Variants in CELF2 observed in about 807,000 individuals in gnomAD.
The protein encoded by CELF2 is CUGBP Elav-like family member 2, also known as CUG triplet repeat RNA-binding protein 2.
CELF2 carries 8 observed loss-of-function variants against 62.6 expected under a neutral mutation model. The ratio of observed to expected loss-of-function variants is 0.13; its 90% confidence interval spans 0.07 to 0.23. The LOEUF (loss-of-function observed/expected upper bound fraction) is 0.23. Ranked by LOEUF, CELF2 falls within the 10% of genes least tolerant of loss-of-function variation. The pLI is 1.00. For missense variants in CELF2, 333 were observed against 671.0 expected (o/e 0.50, Z 5.56); for synonymous variants, 258 against 250.0 (o/e 1.03, Z -0.30).
the CELF2 span, among the ~76,000 whole-genome samples, chr10:10,513,465 TA>T: frequency 6.6e-6 from 1 of 152,224 alleles, no homozygotes; most frequent in Non-Finnish European, 1.5e-5. Context: ...TGACAGTAAC[TA>T]CTTCTGTCCA....
intron 1 of CELF2, among the ~76,000 whole-genome samples, chr10:11,103,941 C>G (rs746885607): frequency 1.3e-5 from 2 of 151,884 alleles, no homozygotes; most frequent in Non-Finnish European, 2.9e-5. Flanking sequence ...CTAAATTTAC[C>G]CTTTCCTGAA....
rs560699460 is a variant in CELF2 at position 11,290,705 on chromosome 10, G to A, written c.976+2153G>A. Among the ~76,000 whole-genome samples, 1 of 152,276 alleles carries A rather than the reference G, an allele frequency of 6.6e-6. No individual in the cohort carries two copies. The highest frequency in any genetic ancestry group is 2.4e-5 in the African/African-American group (1 of 41,558). On this transcript the variant is annotated intron_variant, in intron 9 of 12. Transcript: ENST00000633077. The surrounding 1 kb of genome is among the most constrained non-coding windows in gnomAD (Gnocchi z 4.3). ...GGAGTCAAAACCACACCAGCGCAGC[G>A]TCCTTGCCTTGACTGCTCTGTAAGA... is the stretch of plus-strand genomic sequence containing the variant.
chr10:10,873,307 G>A (rs541637941), intron 1 of CELF2, among the ~76,000 whole-genome samples: 92 of 152,258 alleles, frequency 6.0e-4, no homozygotes, highest in African/African-American at 2.0e-3. Context: ...AATACGAGCC[G>A]TACCTTGTTG....
At position 11,311,003 on chromosome 10, in the gene CELF2, T is replaced by C. The variant is rs1027996092; in HGVS notation, c.977-3136T>C. On this transcript the variant is annotated intron_variant, in intron 9 of 12. Transcript: ENST00000633077. This position sits in a 1 kb window ranked among gnomAD's most constrained non-coding sequence, Gnocchi z 4.7. The stretch of plus-strand genomic sequence containing the variant: ...GGTGAACCGAATAAATTCTAATAAC[T>C]GTTCGCACAGCTTTCCCAACCATAA... Among the ~76,000 whole-genome samples the C allele has an allele frequency of 6.6e-5, 10 of 152,188 alleles. No individual in the cohort carries two copies. The highest frequency in any genetic ancestry group is 1.5e-4 in the Non-Finnish European group (10 of 68,032).
chr10:10,682,151 C>A, the CELF2 span, among the ~76,000 whole-genome samples: 2 of 152,080 alleles, frequency 1.3e-5, no homozygotes, highest in Non-Finnish European at 2.9e-5. Flanking sequence ...TGGACCACCC[C>A]GAGTAAAATC....
At chr10:11,139,863 A>G (rs979624996) in intron 1 of CELF2, among the ~76,000 whole-genome samples, 8 of 151,272 alleles carry the variant, frequency 5.3e-5, no homozygotes, top group African/African-American at 1.9e-4. Context: ...TTATTCAGCA[A>G]ACACCCCCTC....
At chr10:10,677,972 C>T in the CELF2 span, among the ~76,000 whole-genome samples, 2 of 152,146 alleles carry the variant, frequency 1.3e-5, no homozygotes, top group South Asian at 2.1e-4. Context: ...TTTTGAAAGA[C>T]AGTCACTTTA....
At chr10:10,609,650 T>C in the CELF2 span, among the ~76,000 whole-genome samples, 1 of 152,208 alleles carries the variant, frequency 6.6e-6, no homozygotes, top group Admixed American at 6.5e-5. Flanking sequence ...CAATAGATTC[T>C]TCTTACAGAG....
chr10:10,904,729 C>A (rs1324973916), intron 1 of CELF2, among the ~76,000 whole-genome samples: 3 of 152,166 alleles, frequency 2.0e-5, no homozygotes, highest in Admixed American at 2.0e-4. Context: ...TGAGCTTTAA[C>A]CCCATACTCC....
rs375890962 is a variant in CELF2, at chr10:11,255,147, C to T, written c.404-2591C>T. Among the ~76,000 whole-genome samples the T allele has an allele frequency of 5.9e-5, 9 of 152,308 alleles. No homozygotes were observed. Among genetic ancestry groups the T allele is most frequent in the East Asian group, 5.8e-4 (3 of 5,186 alleles). On this transcript the variant is annotated intron_variant, in intron 4 of 12. Coordinates refer to ENST00000633077, the MANE Select transcript of CELF2 (RefSeq NM_001326342.2). This position sits in a 1 kb window ranked among gnomAD's most constrained non-coding sequence, Gnocchi z 5.5. ...CTGACCAGGCTTCACCAGTTCACAGCGGATCCATGCTACTTTGCCTTCTCT... is the reference window on the plus strand; with the variant it reads ...CTGACCAGGCTTCACCAGTTCACAGTGGATCCATGCTACTTTGCCTTCTCT...
chr10:11,037,917 C>T (rs563222067), intron 1 of CELF2, among the ~76,000 whole-genome samples: 1 of 152,146 alleles, frequency 6.6e-6, no homozygotes, highest in African/African-American at 2.4e-5. Flanking sequence ...AATTAATGAG[C>T]AGTGGCAAAG....
intron 12 of CELF2, among the ~76,000 whole-genome samples, chr10:11,326,682 T>C (rs2095753113): frequency 6.6e-6 from 1 of 152,210 alleles, no homozygotes; most frequent in Non-Finnish European, 1.5e-5. Flanking sequence ...AATATATTCC[T>C]TGTTTCATTT....
intron 1 of CELF2, among the ~76,000 whole-genome samples, chr10:10,867,854 G>A (rs2133293708): frequency 6.6e-6 from 1 of 152,350 alleles, no homozygotes; most frequent in South Asian, 2.1e-4. Context: ...CAAGTATGTA[G>A]TGACCTTTTT....
chr10:10,980,814 C>A (rs1051080182), intron 2 of CELF2, among the ~76,000 whole-genome samples: 3 of 152,104 alleles, frequency 2.0e-5, no homozygotes, highest in Non-Finnish European at 4.4e-5. Context: ...GAAGATGGGG[C>A]CTTCCTATGT....
At chr10:10,670,514 C>G in the CELF2 span, among the ~76,000 whole-genome samples, 2 of 152,184 alleles carry the variant, frequency 1.3e-5, no homozygotes, top group East Asian at 1.9e-4. Context: ...CCCCTGCCCC[C>G]ACATTTGCAT....
intron 1 of CELF2, among the ~76,000 whole-genome samples, chr10:10,822,799 A>G (rs927823905): frequency 2.0e-5 from 3 of 152,212 alleles, no homozygotes; most frequent in African/African-American, 7.2e-5. Context: ...TTTGGAGTAA[A>G]GAAAATTGGA....
intron 4 of CELF2, among the ~76,000 whole-genome samples, chr10:11,250,995 G>A (rs748285850): frequency 1.2e-4 from 18 of 152,152 alleles, no homozygotes; most frequent in Non-Finnish European, 2.6e-4. Context: ...GACTTCCTTG[G>A]TGGGAGACAC....
At position 11,110,523 on chromosome 10, in the gene CELF2, C is replaced by T. The variant is rs2054868103; in HGVS notation, c.75-54963C>T. Among the ~76,000 whole-genome samples, 3 of 152,138 alleles carry T rather than the reference C, an allele frequency of 2.0e-5. No individual in the cohort carries two copies. The South Asian group carries it at 6.2e-4, about 32-fold the overall frequency. On this transcript the variant is annotated intron_variant, in intron 1 of 12. Coordinates refer to ENST00000633077, the MANE Select transcript of CELF2 (RefSeq NM_001326342.2). The surrounding 1 kb of genome is among the most constrained non-coding windows in gnomAD (Gnocchi z 4.0). Reference sequence around the variant, plus strand: ...AACACTGCTAGATTGATGAAATACACTAATGCATGGAGTAGAAACAGAGGG... The same window carrying T: ...AACACTGCTAGATTGATGAAATACATTAATGCATGGAGTAGAAACAGAGGG...
chr10:10,637,865 A>G, the CELF2 span, among the ~76,000 whole-genome samples: 1 of 152,224 alleles, frequency 6.6e-6, no homozygotes, highest in Non-Finnish European at 1.5e-5. Flanking sequence ...GGGGTTAAGT[A>G]GAATTTCTGA....
Sources: allele counts gnomAD v4.1 joint callset (sites outside exome capture counted in the v4.1 genomes callset), GRCh38; gene constraint gnomAD v4.1.1; non-coding constraint Gnocchi (gnomAD v3.1); transcripts MANE v1.5; gene names NCBI Gene and HGNC (gene_info 2026-07-23, HGNC 2026-07-21).